ZNF423: variants seen among roughly 807,000 people sequenced by gnomAD.
ZNF423 encodes Ebf-associated zinc finger protein.
In ZNF423, 12 loss-of-function variants were observed where a neutral mutation model predicts 95.8. The observed-to-expected ratio is 0.13, with a 90% CI of 0.08 to 0.20. The LOEUF is 0.20. Among genes scored for constraint, ZNF423 ranks in the 10% least tolerant of loss-of-function variants. ZNF423 has a pLI of 1.00. For synonymous variants in ZNF423, 749 were observed against 711.9 expected, an observed-to-expected ratio of 1.05 and a Z score of -0.83; for missense variants, 1,316 against 1,737.1, an observed-to-expected ratio of 0.76 and a Z score of 4.31.
At chr16:49,503,898 C>T (rs143597600) in intron 7 of ZNF423, among the ~76,000 whole-genome samples, 2 of 152,204 alleles carry the variant, frequency 1.3e-5, no homozygotes, top group Non-Finnish European at 2.9e-5. Flanking sequence ...ACAGTTGCCC[C>T]GCTCCACTGT....
chr16:49,543,467 CCTT>C (rs1969325626), intron 5 of ZNF423, among the ~76,000 whole-genome samples: 1 of 152,236 alleles, frequency 6.6e-6, no homozygotes, highest in Non-Finnish European at 1.5e-5. Flanking sequence ...GCAGCTCCGT[CCTT>C]CTGCTGCCCC....
At chr16:49,770,906 G>T (rs977866032) in intron 2 of ZNF423, among the ~76,000 whole-genome samples, 1 of 152,170 alleles carries the variant, frequency 6.6e-6, no homozygotes, top group Non-Finnish European at 1.5e-5. Flanking sequence ...GCCTCCCCAC[G>T]GCAGCAGGAG....
At chr16:49,677,282 A>AGAAGGGAAGG (rs1567283970) in intron 3 of ZNF423, among the ~76,000 whole-genome samples, 2 of 81,502 alleles carry the variant, frequency 2.5e-5, no homozygotes, top group Non-Finnish European at 5.0e-5. Flanking sequence ...AGAAGAGAAG[A>AGAAGGGAAGG]GAAGAGAAGA....
intron 2 of ZNF423, among the ~76,000 whole-genome samples, chr16:49,746,699 T>G (rs2033531700): frequency 6.6e-6 from 1 of 152,150 alleles, no homozygotes; most frequent in Non-Finnish European, 1.5e-5. Flanking sequence ...CTGGAACTCC[T>G]GACCTCAGGT....
intron 3 of ZNF423, among the ~76,000 whole-genome samples, chr16:49,681,616 A>G (rs555501762): frequency 6.6e-6 from 1 of 152,358 alleles, no homozygotes; most frequent in East Asian, 1.9e-4. Context: ...GGGACTTCAA[A>G]GGGATGGCTC....
At chr16:49,544,037 T>G (rs560032566) in intron 5 of ZNF423, among the ~76,000 whole-genome samples, 1 of 152,202 alleles carries the variant, frequency 6.6e-6, no homozygotes, top group Non-Finnish European at 1.5e-5. Context: ...CTAATCCCTG[T>G]GGTACTGGGT....
chr16:49,526,649 C>T (rs902380300), intron 5 of ZNF423, among the ~76,000 whole-genome samples: 17 of 152,176 alleles, frequency 1.1e-4, no homozygotes, highest in African/African-American at 3.9e-4. Flanking sequence ...GATGGGGAAT[C>T]CCCTGGTTTG....
chr16:49,834,324 T>TAAAC (rs35665687), intron 1 of ZNF423, among the ~76,000 whole-genome samples: 78,103 of 151,544 alleles, frequency 0.52, 20,328 homozygotes, highest in Middle Eastern at 0.67. Context: ...ACCCTAAACG[T>TAAAC]AGTCAGCAGT....
intron 2 of ZNF423, among the ~76,000 whole-genome samples, chr16:49,778,881 C>A (rs1223112605): frequency 6.6e-6 from 1 of 152,200 alleles, no homozygotes; most frequent in Admixed American, 6.5e-5. Context: ...GTTGAGCACT[C>A]CATACGGATT....
At chr16:49,808,845 G>A (rs760236776) in intron 1 of ZNF423, among the ~76,000 whole-genome samples, 11 of 152,236 alleles carry the variant, frequency 7.2e-5, no homozygotes, top group Non-Finnish European at 1.2e-4. Context: ...GACTCCAGCT[G>A]TGCATTCCCT....
At chr16:49,512,553 A>T (rs1967941397) in intron 7 of ZNF423, among the ~76,000 whole-genome samples, 1 of 152,176 alleles carries the variant, frequency 6.6e-6, no homozygotes, top group African/African-American at 2.4e-5. Flanking sequence ...TCGCCACAAC[A>T]TGTGGTCACA....
intron 2 of ZNF423, among the ~76,000 whole-genome samples, chr16:49,763,743 G>A (rs1307775732): frequency 1.3e-5 from 2 of 152,042 alleles, no homozygotes; most frequent in African/African-American, 4.8e-5. Context: ...TTATTGCTGC[G>A]TTCATGCCTT....
intron 5 of ZNF423, among the ~76,000 whole-genome samples, chr16:49,563,222 C>A (rs1010449012): frequency 6.6e-6 from 1 of 152,140 alleles, no homozygotes; most frequent in Non-Finnish European, 1.5e-5. Context: ...GGGGAAGGAG[C>A]GTGAGTGAGT....
At chr16:49,639,509 G>T (rs183510859) in intron 3 of ZNF423, among the ~76,000 whole-genome samples, 1 of 152,340 alleles carries the variant, frequency 6.6e-6, no homozygotes, top group Admixed American at 6.5e-5. Flanking sequence ...GCAGACTTCA[G>T]TGCTCAGGTG....
intron 5 of ZNF423, among the ~76,000 whole-genome samples, chr16:49,536,225 C>A (rs549109600): frequency 3.9e-5 from 6 of 152,228 alleles, no homozygotes; most frequent in East Asian, 1.9e-4. Flanking sequence ...AAGCAAAAAA[C>A]CCCCAGAGTT....
At chr16:49,539,786 G>T (rs943321248) in intron 5 of ZNF423, among the ~76,000 whole-genome samples, 1 of 151,884 alleles carries the variant, frequency 6.6e-6, no homozygotes, top group Non-Finnish European at 1.5e-5. Context: ...AAACACAGTC[G>T]CCCAGAAATC....
At chr16:49,812,410 G>A (rs969579226) in intron 1 of ZNF423, among the ~76,000 whole-genome samples, 1 of 152,194 alleles carries the variant, frequency 6.6e-6, no homozygotes, top group African/African-American at 2.4e-5. Flanking sequence ...CTGGGATAAG[G>A]GGGCTGGGCA....
intron 1 of ZNF423, among the ~76,000 whole-genome samples, chr16:49,835,977 G>A (rs566044071): frequency 2.0e-5 from 3 of 152,306 alleles, no homozygotes; most frequent in East Asian, 3.9e-4. Context: ...TGGAGACAGA[G>A]AGAGGCCCAG....
At chr16:49,854,872 AC>A in intron 1 of ZNF423, 1 of 985,098 alleles carries the variant, frequency 1.0e-6, no homozygotes, top group Non-Finnish European at 1.2e-6. Flanking sequence ...AAACGCGCGC[AC>A]CCCGGGGAGC....
Sources: gnomAD v4.1 joint callset for allele counts (sites outside exome capture counted in the v4.1 genomes callset) on GRCh38, gnomAD v4.1.1 for gene constraint, MANE v1.5 for transcripts, NCBI Gene and HGNC (gene_info 2026-07-23, HGNC 2026-07-21) for gene names.